XYLB: variants seen among roughly 807,000 people sequenced by gnomAD.
The protein encoded by XYLB is xylulokinase, also known as xylulose kinase.
In XYLB, 62 loss-of-function variants were observed where a neutral mutation model predicts 78.7. That is an observed-to-expected ratio of 0.79 (90% CI 0.64 to 0.97). The LOEUF (loss-of-function observed/expected upper bound fraction) is 0.97. XYLB is among the 50% of genes least tolerant of loss of function. The probability of loss-of-function intolerance (pLI) is 0.00; values close to 1 mark genes in which losing one functional copy is unlikely to be tolerated. For missense variants in XYLB, 687 were observed against 676.8 expected, an observed-to-expected ratio of 1.02 and a Z score of -0.17; for synonymous variants, 245 against 247.4, an observed-to-expected ratio of 0.99 and a Z score of 0.09.
intron 1 of XYLB, among the ~76,000 whole-genome samples, chr3:38,347,623 C>G (rs1428644148): frequency 6.6e-6 from 1 of 151,942 alleles, no homozygotes; most frequent in African/African-American, 2.4e-5. Context: ...TTGCAGTGAG[C>G]TAAGATGGCG....
intron 15 of XYLB, among the ~76,000 whole-genome samples, chr3:38,393,606 C>T (rs149574154): frequency 6.6e-6 from 1 of 152,204 alleles, no homozygotes; most frequent in Non-Finnish European, 1.5e-5. Flanking sequence ...TTTATTTTCT[C>T]ACAGTTCTGG....
intron 18 of XYLB, among the ~76,000 whole-genome samples, chr3:38,407,332 C>T (rs1403719379): frequency 1.3e-5 from 2 of 151,772 alleles, no homozygotes; most frequent in African/African-American, 2.4e-5. Flanking sequence ...CAAGCAAATG[C>T]TGAGAGATTT....
chr3:38,437,005 A>AATAAT, the XYLB span, among the ~76,000 whole-genome samples: 1 of 134,806 alleles, frequency 7.4e-6, no homozygotes, highest in African/African-American at 2.8e-5. Flanking sequence ...CTCCTTCTAA[A>AATAAT]AATAATAATA....
chr3:38,399,214 C>T (rs1006982372), intron 17 of XYLB, among the ~76,000 whole-genome samples: 3 of 151,902 alleles, frequency 2.0e-5, no homozygotes, highest in African/African-American at 7.3e-5. Flanking sequence ...ATCTTCCCAC[C>T]CCCACCTCAG....
intron 2 of XYLB, among the ~76,000 whole-genome samples, chr3:38,349,548 C>T (rs1705245246): frequency 6.6e-6 from 1 of 152,064 alleles, no homozygotes; most frequent in Non-Finnish European, 1.5e-5. Context: ...TGGACAGGTC[C>T]TGTTACAAAA....
chr3:38,384,474 G>A (rs746063888), intron 15 of XYLB, among the ~76,000 whole-genome samples: 10 of 152,172 alleles, frequency 6.6e-5, no homozygotes, highest in African/African-American at 1.9e-4. Flanking sequence ...CTGTCTTCAC[G>A]GCCAGCGATG....
At chr3:38,382,562 T>C (rs1707199103) in intron 15 of XYLB, among the ~76,000 whole-genome samples, 1 of 152,170 alleles carries the variant, frequency 6.6e-6, no homozygotes, top group Non-Finnish European at 1.5e-5. Context: ...ATTGCCCTCA[T>C]CCCACCACCC....
the XYLB span, among the ~76,000 whole-genome samples, chr3:38,431,150 T>C: frequency 6.6e-6 from 1 of 152,216 alleles, no homozygotes; most frequent in South Asian, 2.1e-4. Context: ...TTGGGCAGTA[T>C]GGCCATTTTC....
the XYLB span, among the ~76,000 whole-genome samples, chr3:38,450,307 G>A: frequency 6.6e-6 from 1 of 152,164 alleles, no homozygotes; most frequent in Non-Finnish European, 1.5e-5. Flanking sequence ...CTAAATGAAT[G>A]TATTTAATCC....
rs1217748341 is a variant in XYLB, at chr3:38,374,462, C to G, written c.848C>G (p.Ala283Gly). 1 of 1,613,930 alleles carries G rather than the reference C, an allele frequency of 6.2e-7. No homozygotes were observed. The highest frequency in any genetic ancestry group is 8.5e-7 in the Non-Finnish European group (1 of 1,179,986). The stretch of plus-strand genomic sequence containing the variant: ...CCAGAAGCTCCCCTCCCATTCTCAG[C>G]GTCGCTGGCAGGCATGAGACTGGAG... ...KVVAFTGDNPASLAGMRLEEG... is the reference protein window; with the variant it reads ...KVVAFTGDNPGSLAGMRLEEG... The change falls in exon 11 of 19, where the codon GCG becomes GGG. Residue 283 changes from alanine (A) to glycine (G), a missense_variant and splice_region_variant. Coordinates refer to ENST00000207870, the MANE Select transcript of XYLB (RefSeq NM_005108.4).
intron 2 of XYLB, among the ~76,000 whole-genome samples, chr3:38,352,520 G>A (rs1009454869): frequency 6.6e-6 from 1 of 152,154 alleles, no homozygotes; most frequent in Non-Finnish European, 1.5e-5. Flanking sequence ...AAAAACACTG[G>A]AAGGAGCCTG....
At chr3:38,407,605 C>T (rs1708381163) in intron 18 of XYLB, among the ~76,000 whole-genome samples, 1 of 152,026 alleles carries the variant, frequency 6.6e-6, no homozygotes, top group Non-Finnish European at 1.5e-5. Context: ...GATAAAGAGT[C>T]AAGACTCATC....
At chr3:38,438,549 G>C in the XYLB span, among the ~76,000 whole-genome samples, 2 of 152,296 alleles carry the variant, frequency 1.3e-5, no homozygotes, top group South Asian at 2.1e-4. Context: ...AATAGCCATA[G>C]TGTTTCCGGA....
At chr3:38,431,854 A>C in the XYLB span, among the ~76,000 whole-genome samples, 1 of 152,076 alleles carries the variant, frequency 6.6e-6, no homozygotes, top group African/African-American at 2.4e-5. Context: ...CCTCATGAGA[A>C]CTCACTATCA....
chr3:38,351,579 C>G (rs77846842), intron 2 of XYLB, among the ~76,000 whole-genome samples: 10,366 of 152,060 alleles, frequency 0.068, 417 homozygotes, highest in Middle Eastern at 0.12. Context: ...CAGTTAAAAG[C>G]TTTAATATCT....
intron 15 of XYLB, among the ~76,000 whole-genome samples, chr3:38,380,800 C>G (rs1707107756): frequency 6.6e-6 from 1 of 152,108 alleles, no homozygotes; most frequent in Non-Finnish European, 1.5e-5. Flanking sequence ...TAATAGTAGA[C>G]AGAAAAAATG....
the XYLB span, among the ~76,000 whole-genome samples, chr3:38,446,229 T>C: frequency 6.6e-6 from 1 of 152,182 alleles, no homozygotes; most frequent in African/African-American, 2.4e-5. Context: ...AGAGTGCTGA[T>C]TGGTCCATTT....
the XYLB span, among the ~76,000 whole-genome samples, chr3:38,431,899 A>C: frequency 1.3e-5 from 2 of 152,160 alleles, no homozygotes; most frequent in Admixed American, 6.5e-5. Flanking sequence ...CCCATGATTT[A>C]ATTATCTCCA....
intron 18 of XYLB, among the ~76,000 whole-genome samples, chr3:38,409,744 G>T (rs1439565629): frequency 6.6e-6 from 1 of 150,906 alleles, no homozygotes; most frequent in Non-Finnish European, 1.5e-5. Flanking sequence ...ACACCAAGAA[G>T]AGACAGAGAG....
Sources: allele counts gnomAD v4.1 joint callset (sites outside exome capture counted in the v4.1 genomes callset), GRCh38; gene constraint gnomAD v4.1.1; transcripts MANE v1.5; gene names NCBI Gene and HGNC (gene_info 2026-07-23, HGNC 2026-07-21).